JAK1: variants seen among roughly 807,000 people sequenced by gnomAD.
JAK1 encodes the protein tyrosine-protein kinase JAK1.
JAK1 carries 16 observed loss-of-function variants against 136.6 expected under a neutral mutation model. The observed-to-expected ratio is 0.12, with a 90% CI of 0.08 to 0.18. The LOEUF (loss-of-function observed/expected upper bound fraction) is 0.18. JAK1 is among the 10% of genes least tolerant of loss of function. The pLI, the probability that JAK1 is intolerant of heterozygous loss-of-function variation, is 1.00. For missense variants in JAK1, 859 were observed against 1,450.1 expected (o/e 0.59, Z 6.62); for synonymous variants, 492 against 519.5 (o/e 0.95, Z 0.72).
chr1:64,912,159 A>C (rs1645295614), intron 1 of JAK1, among the ~76,000 whole-genome samples: 1 of 152,116 alleles, frequency 6.6e-6, no homozygotes, highest in Non-Finnish European at 1.5e-5. Flanking sequence ...CTTACCCTAC[A>C]TCCATCAGGG....
chr1:64,900,221 A>G (rs7518474), intron 1 of JAK1, among the ~76,000 whole-genome samples: 150,675 of 152,330 alleles, frequency 0.99, 74,541 homozygotes, highest in Middle Eastern at 1. Context: ...AAGGCAAAAC[A>G]TAATTATTTG....
At chr1:64,913,691 GGAAGGAAGGAAAGA>G (rs1645334274) in intron 1 of JAK1, among the ~76,000 whole-genome samples, 1 of 40,616 alleles carries the variant, frequency 2.5e-5, no homozygotes, top group Non-Finnish European at 6.6e-5. Flanking sequence ...AAGGAAGGAA[GGAAGGAAGGAAAGA>G]AGGGAGGGAG....
intron 2 of JAK1, among the ~76,000 whole-genome samples, chr1:65,025,353 C>A (rs1187829078): frequency 6.6e-6 from 1 of 152,058 alleles, no homozygotes; most frequent in East Asian, 1.9e-4. Context: ...AATACATTTA[C>A]CAAAATAGGA....
At chr1:64,994,975 A>T (rs906069194) in intron 2 of JAK1, 1 of 148,132 alleles carries the variant, frequency 6.8e-6, no homozygotes, top group South Asian at 2.1e-4. Flanking sequence ...AAAAAAAAAA[A>T]AAAAAACCTA....
At chr1:65,031,152 T>C (rs1447160523) in intron 2 of JAK1, among the ~76,000 whole-genome samples, 1 of 103,112 alleles carries the variant, frequency 9.7e-6, no homozygotes, top group Non-Finnish European at 1.8e-5. Flanking sequence ...AGAGACCCTA[T>C]CTCAAAAAAA....
At chr1:64,880,533 G>A (rs1644754125) in intron 3 of JAK1, among the ~76,000 whole-genome samples, 1 of 152,110 alleles carries the variant, frequency 6.6e-6, no homozygotes, top group Non-Finnish European at 1.5e-5. Context: ...TCTAACACAG[G>A]TCTGATTCTA....
chr1:65,021,874 C>A (rs566833584), intron 2 of JAK1, among the ~76,000 whole-genome samples: 52 of 152,234 alleles, frequency 3.4e-4, no homozygotes, highest in African/African-American at 1.2e-3. Flanking sequence ...ATAGTTAGTA[C>A]AACAATGGAA....
In JAK1 at chr1:64,867,833, A is replaced by C. The variant is rs540115221; in HGVS notation, c.648-625T>G. On this transcript the variant is annotated intron_variant, in intron 6 of 24. Transcript: ENST00000342505. The stretch of plus-strand genomic sequence containing the variant: ...TGGAGAAACCCCATCTGTACTAAAA[A>C]TATAAAAGTAGCCAGGTATGGTGGC... Among the ~76,000 whole-genome samples, 47 of 152,276 alleles carry C rather than the reference A, an allele frequency of 3.1e-4. 1 individual carries two copies. In the South Asian group the frequency reaches 8.3e-3, roughly 27 times the overall value.
intron 2 of JAK1, chr1:64,985,052 G>T (rs977872107): frequency 1.6e-4 from 141 of 869,744 alleles, no homozygotes; most frequent in Non-Finnish European, 2.4e-4. Context: ...AAACAGACAT[G>T]AGGATGGAAC....
At chr1:64,909,385 A>G (rs970833213) in intron 1 of JAK1, among the ~76,000 whole-genome samples, 1 of 152,172 alleles carries the variant, frequency 6.6e-6, no homozygotes, top group African/African-American at 2.4e-5. Context: ...GTGGAAAGGA[A>G]ACTAGCTTGT....
Sources: gnomAD v4.1 joint callset for allele counts (sites outside exome capture counted in the v4.1 genomes callset) on GRCh38, gnomAD v4.1.1 for gene constraint, MANE v1.5 for transcripts, NCBI Gene and HGNC (gene_info 2026-07-23, HGNC 2026-07-21) for gene names.